FOXO3: variants seen among roughly 807,000 people sequenced by gnomAD.
The protein encoded by FOXO3 is forkhead box protein O3.
FOXO3 carries 4 observed loss-of-function variants against 41.9 expected under a neutral mutation model. That is an observed-to-expected ratio of 0.10 (90% CI 0.05 to 0.22). The LOEUF is 0.22. FOXO3 is among the 10% of genes least tolerant of loss of function. The pLI, the probability that FOXO3 is intolerant of heterozygous loss-of-function variation, is 1.00. For missense variants in FOXO3, 534 were observed against 906.8 expected, an observed-to-expected ratio of 0.59 and a Z score of 5.28; for synonymous variants, 318 against 389.3, an observed-to-expected ratio of 0.82 and a Z score of 2.16.
intron 1 of FOXO3, among the ~76,000 whole-genome samples, chr6:108,600,570 A>G (rs1777023586): frequency 6.6e-6 from 1 of 151,592 alleles, no homozygotes; most frequent in African/African-American, 2.4e-5. Flanking sequence ...AAAAAAAAAA[A>G]AAAGTATGTG....
At chr6:108,618,230 A>G in intron 1 of FOXO3, 1 of 814,420 alleles carries the variant, frequency 1.2e-6, no homozygotes, top group Non-Finnish European at 2.2e-6. Context: ...CACCACCTTC[A>G]AATTAATATG....
chr6:108,574,209 G>GT (rs887114132), intron 1 of FOXO3, among the ~76,000 whole-genome samples: 65 of 151,840 alleles, frequency 4.3e-4, no homozygotes, highest in Non-Finnish European at 8.0e-4. Context: ...TAATGGGAGA[G>GT]TAGGAATGGC....
At chr6:108,572,020 T>C (rs1230034802) in intron 1 of FOXO3, among the ~76,000 whole-genome samples, 2 of 152,216 alleles carry the variant, frequency 1.3e-5, no homozygotes, top group Non-Finnish European at 2.9e-5. Flanking sequence ...CAGTTAGAGC[T>C]ACTAGAACAT....
chr6:108,606,860 A>AG (rs1777217482), intron 1 of FOXO3, among the ~76,000 whole-genome samples: 1 of 152,042 alleles, frequency 6.6e-6, no homozygotes, highest in African/African-American at 2.4e-5. Context: ...ATGTGACAGG[A>AG]GGGGGTGAGG....
intron 2 of FOXO3, 136 bp downstream of exon 2, chr6:108,665,025 C>T (rs888017606): frequency 1.1e-5 from 11 of 971,606 alleles, no homozygotes; most frequent in African/African-American, 1.7e-5. Context: ...TAATATGGCT[C>T]CCAGCCAGTT....
At chr6:108,582,919 T>C (rs919701225) in intron 1 of FOXO3, among the ~76,000 whole-genome samples, 6 of 152,200 alleles carry the variant, frequency 3.9e-5, no homozygotes, top group Non-Finnish European at 5.9e-5. Flanking sequence ...AGGGATTTTC[T>C]AGGGGAAGGA....
intron 1 of FOXO3, among the ~76,000 whole-genome samples, chr6:108,633,663 G>T (rs571027598): frequency 6.6e-6 from 1 of 152,214 alleles, no homozygotes; most frequent in Non-Finnish European, 1.5e-5. Flanking sequence ...CATGGTGCTA[G>T]CACATTCTCA....
chr6:108,581,042 A>G lies in FOXO3; in HGVS notation c.621+19213A>G, dbSNP rs7747424. On this transcript the variant is annotated intron_variant, in intron 1 of 2. Coordinates refer to ENST00000406360, the MANE Select transcript of FOXO3 (RefSeq NM_001455.4). ...ACTGCACTTAAACTTTCCTGTAGTCATTGCTTTCTCTCCCTGCCCCTGCCC... is the reference window on the plus strand; with the variant it reads ...ACTGCACTTAAACTTTCCTGTAGTCGTTGCTTTCTCTCCCTGCCCCTGCCC... Among the ~76,000 whole-genome samples, 251 of 152,328 alleles carry G rather than the reference A, an allele frequency of 1.6e-3. 2 individuals are homozygous for G. The highest frequency in any genetic ancestry group is 5.7e-3 in the African/African-American group (238 of 41,558).
At chr6:108,636,525 T>G (rs1222783992) in intron 1 of FOXO3, among the ~76,000 whole-genome samples, 2 of 151,938 alleles carry the variant, frequency 1.3e-5, no homozygotes, top group African/African-American at 4.8e-5. Context: ...CCAAGCATCT[T>G]AGAGTGTTTT....
At position 108,663,702 on chromosome 6, in the gene FOXO3, A is replaced by G. The variant is rs1430616069; in HGVS notation, c.869A>G (p.Lys290Arg). The change falls in exon 2 of 3, where the codon AAG becomes AGG. Residue 290 changes from lysine to arginine, a missense_variant. Transcript: ENST00000406360. Reference sequence around the variant, plus strand: ...GACGACAGTCCCTCCCAGCTCTCCAAGTGGCCTGGCAGCCCCACGTCACGC... The same window carrying G: ...GACGACAGTCCCTCCCAGCTCTCCAGGTGGCCTGGCAGCCCCACGTCACGC... ...SADDSPSQLSKWPGSPTSRSS... is the reference protein window; with the variant it reads ...SADDSPSQLSRWPGSPTSRSS... 6 of 1,613,574 alleles carry G rather than the reference A, an allele frequency of 3.7e-6. No individual in the cohort carries two copies. The highest frequency in any genetic ancestry group is 1.1e-5 in the South Asian group (1 of 91,022).
At chr6:108,567,591 G>A (rs558681156) in intron 1 of FOXO3, among the ~76,000 whole-genome samples, 2 of 152,336 alleles carry the variant, frequency 1.3e-5, no homozygotes, top group South Asian at 4.1e-4. Context: ...TGGGTTCAGG[G>A]TTCCACAGCT....
intron 1 of FOXO3, among the ~76,000 whole-genome samples, chr6:108,627,494 T>A (rs1183207274): frequency 6.6e-6 from 1 of 152,108 alleles, no homozygotes; most frequent in Non-Finnish European, 1.5e-5. Flanking sequence ...GTGGTAAATT[T>A]TCCAGTCTTC....
chr6:108,576,433 G>A (rs1440643758), intron 1 of FOXO3, among the ~76,000 whole-genome samples: 1 of 152,246 alleles, frequency 6.6e-6, no homozygotes, highest in East Asian at 1.9e-4. Context: ...CATAAAATCA[G>A]TGAATGCTTT....
At chr6:108,608,758 T>A (rs905409038) in intron 1 of FOXO3, among the ~76,000 whole-genome samples, 2 of 152,202 alleles carry the variant, frequency 1.3e-5, no homozygotes, top group African/African-American at 4.8e-5. Flanking sequence ...GGGTTTCACA[T>A]TTCTAATAGT....
chr6:108,573,114 A>G (rs1437202700), intron 1 of FOXO3, among the ~76,000 whole-genome samples: 2 of 151,930 alleles, frequency 1.3e-5, no homozygotes, highest in African/African-American at 2.4e-5. Context: ...GTGAAACCCC[A>G]TCTCTACTAA....
At chr6:108,672,782 C>T (rs902963746) in intron 2 of FOXO3, among the ~76,000 whole-genome samples, 12 of 152,146 alleles carry the variant, frequency 7.9e-5, no homozygotes, top group Non-Finnish European at 1.2e-4. Context: ...TCTCCGTCTC[C>T]CTTCCCTCTT....
rs33930218 is a variant in FOXO3, at chr6:108,683,686, CAAA to C, written c.*3908_*3910del. The C allele has an allele frequency of 2.4e-5, 3 of 126,472 alleles. No individual in the cohort carries two copies. Among genetic ancestry groups the C allele is most frequent in the South Asian group, 2.5e-4 (1 of 3,954 alleles). 7.8% of individuals were successfully genotyped at this position (126,472 alleles called of 1,614,324 possible). A position where few individuals can be genotyped will look rare whatever the true frequency, so the allele number is the denominator to read the frequency against. On this transcript the variant is annotated 3_prime_UTR_variant, in exon 3 of 3. Transcript: ENST00000406360. The stretch of plus-strand genomic sequence containing the variant: ...GGGTAACAAGAGTGAAACTCCGTGT[CAAA>C]AAAAAAAAAAAAATGTTACTCATCC...
chr6:108,667,449 G>C (rs1157632799), intron 2 of FOXO3, among the ~76,000 whole-genome samples: 18 of 152,216 alleles, frequency 1.2e-4, no homozygotes, highest in Admixed American at 1.2e-3. Flanking sequence ...GAGTGTAATT[G>C]TAAGGAGGCC....
In FOXO3 at chr6:108,636,454, A is replaced by T. The variant is rs117576681; in HGVS notation, c.622-27001A>T. The stretch of plus-strand genomic sequence containing the variant: ...CAGGTTAAACCTTCGGGAATAGAAC[A>T]AACCCTGTGTGTTGAGCCCAGTGGA... On this transcript the variant is annotated intron_variant, in intron 1 of 2. Transcript: ENST00000406360. Among the ~76,000 whole-genome samples the T allele has an allele frequency of 1.1e-3, 171 of 152,244 alleles. 1 individual carries two copies. Among genetic ancestry groups the T allele is most frequent in the Non-Finnish European group, 1.8e-3 (120 of 68,008 alleles).
Sources: allele counts gnomAD v4.1 joint callset (sites outside exome capture counted in the v4.1 genomes callset), GRCh38; gene constraint gnomAD v4.1.1; transcripts MANE v1.5; gene names NCBI Gene and HGNC (gene_info 2026-07-23, HGNC 2026-07-21).